Variants in UBE2L3 observed in about 807,000 individuals in gnomAD.
UBE2L3 encodes ubiquitin conjugating enzyme E2 L3, also known as ubiquitin-conjugating enzyme E2 L3.
UBE2L3 carries 1 observed loss-of-function variant against 17.8 expected under a neutral mutation model. That is an observed-to-expected ratio of 0.06 (90% confidence interval 0.02 to 0.27). The LOEUF is 0.27. UBE2L3 is among the 10% of genes least tolerant of loss of function. The pLI, the probability that UBE2L3 is intolerant of heterozygous loss-of-function variation, is 1.00. For missense variants in UBE2L3, 40 were observed against 192.6 expected, an observed-to-expected ratio of 0.21 and a Z score of 4.69; for synonymous variants, 44 against 68.5, an observed-to-expected ratio of 0.64 and a Z score of 1.76.
chr22:21,610,607 G>C (rs997446346), intron 2 of UBE2L3, among the ~76,000 whole-genome samples: 4 of 152,116 alleles, frequency 2.6e-5, no homozygotes, highest in African/African-American at 4.8e-5. Context: ...GTTCTAAAAA[G>C]TAAAGTCTAT....
At chr22:21,593,459 A>G (rs1601418959) in intron 2 of UBE2L3, among the ~76,000 whole-genome samples, 1 of 150,796 alleles carries the variant, frequency 6.6e-6, no homozygotes, top group African/African-American at 2.4e-5. Context: ...TGTTCCCCTC[A>G]CCCCATGTCT....
chr22:21,622,084 C>T lies in UBE2L3; in HGVS notation c.*415C>T, dbSNP rs1372944834. On this transcript the variant is annotated 3_prime_UTR_variant, in exon 4 of 4. Transcript: ENST00000342192. Reference sequence around the variant, plus strand: ...GAGTTTATTTTTCACTTACTTACTTCCCCAGACCCCGGGCTCGCCTCCACA... The same window carrying T: ...GAGTTTATTTTTCACTTACTTACTTTCCCAGACCCCGGGCTCGCCTCCACA... The T allele has an allele frequency of 5.4e-6, 1 of 183,938 alleles. No individual in the cohort carries two copies. Among genetic ancestry groups the T allele is most frequent in the Non-Finnish European group, 1.1e-5 (1 of 89,410 alleles). 11.4% of individuals were successfully genotyped at this position (183,938 alleles called of 1,614,324 possible).
At chr22:21,571,401 T>C (rs1926955362) in intron 1 of UBE2L3, among the ~76,000 whole-genome samples, 1 of 152,186 alleles carries the variant, frequency 6.6e-6, no homozygotes, top group African/African-American at 2.4e-5. Flanking sequence ...TAATGTCTTA[T>C]TACTTATCAT....
In UBE2L3 at chr22:21,607,473, C is replaced by T. The variant is rs181111263; in HGVS notation, c.124-3384C>T. 1.5e-3 allele frequency among the ~76,000 whole-genome samples: 219 copies of T among 149,978 alleles called. 1 individual carries two copies. Among genetic ancestry groups the T allele is most frequent in the Middle Eastern group, 0.01 (3 of 286 alleles). On this transcript the variant is annotated intron_variant, in intron 2 of 3. Transcript: ENST00000342192. The stretch of plus-strand genomic sequence containing the variant: ...GAGGTTGCAGTGAGCTGAGATCGCG[C>T]CACTGCACTCCAGCCTGGGCGACAG...
chr22:21,606,666 A>G (rs993247735), intron 2 of UBE2L3, among the ~76,000 whole-genome samples: 1 of 152,124 alleles, frequency 6.6e-6, no homozygotes, highest in African/African-American at 2.4e-5. Context: ...CCTGGACAAC[A>G]TAGTGAGACG....
At chr22:21,596,741 CCT>C (rs1246078300) in intron 2 of UBE2L3, among the ~76,000 whole-genome samples, 1 of 152,102 alleles carries the variant, frequency 6.6e-6, no homozygotes, top group Non-Finnish European at 1.5e-5. Context: ...CCCATCTCAG[CCT>C]CTCAAAGTGC....
upstream of UBE2L3, among the ~76,000 whole-genome samples, chr22:21,563,998 G>A (rs1041663244): frequency 4.0e-5 from 6 of 150,968 alleles, no homozygotes; most frequent in African/African-American, 1.5e-4. Context: ...GAGACTGTAC[G>A]CAGCCAAAAA....
chr22:21,593,205 A>G (rs1310237391), intron 2 of UBE2L3, among the ~76,000 whole-genome samples: 1 of 152,110 alleles, frequency 6.6e-6, no homozygotes, highest in Non-Finnish European at 1.5e-5. Context: ...CACAGAGAAA[A>G]GGAGTGTGTC....
At chr22:21,618,573 C>T (rs367713582) in intron 3 of UBE2L3, among the ~76,000 whole-genome samples, 7 of 150,198 alleles carry the variant, frequency 4.7e-5, no homozygotes. Context: ...GAGACTCCAT[C>T]TCAAAAAATA....
rs531552602 is a variant in UBE2L3, at chr22:21,585,435, G to A, written c.28-7426G>A. 5.3e-5 allele frequency among the ~76,000 whole-genome samples: 8 copies of A among 152,238 alleles called. No homozygotes were observed. The South Asian group carries it at 8.3e-4, about 16-fold the overall frequency. On this transcript the variant is annotated intron_variant, in intron 1 of 3. Transcript: ENST00000342192. ...AGGTTTGGTCTTTAAGCCTGTATTC[G>A]TTCCTTCCCTGATATGTGGTACCTA...
chr22:21,582,313 C>T (rs1402440378), intron 1 of UBE2L3, among the ~76,000 whole-genome samples: 1 of 150,838 alleles, frequency 6.6e-6, no homozygotes, highest in Non-Finnish European at 1.5e-5. Context: ...TTTTTCCTTG[C>T]CAAGAAACTG....
intron 3 of UBE2L3, among the ~76,000 whole-genome samples, chr22:21,620,665 G>A (rs367688451): frequency 2.4e-3 from 366 of 152,262 alleles, no homozygotes; most frequent in Non-Finnish European, 4.1e-3. Context: ...AGCCATCAGC[G>A]TGACATCTGC....
chr22:21,589,855 T>G (rs535078452), intron 1 of UBE2L3, among the ~76,000 whole-genome samples: 1 of 152,194 alleles, frequency 6.6e-6, no homozygotes, highest in Non-Finnish European at 1.5e-5. Context: ...GTTGGGAGTT[T>G]ATGTGATAAC....
intron 3 of UBE2L3, among the ~76,000 whole-genome samples, chr22:21,619,848 T>C (rs903606453): frequency 1.3e-5 from 2 of 152,198 alleles, no homozygotes; most frequent in African/African-American, 4.8e-5. Context: ...TGGGCCACCA[T>C]GCCTGGCTAA....
chr22:21,562,983 C>T (rs1926498579), upstream of UBE2L3, among the ~76,000 whole-genome samples: 1 of 151,792 alleles, frequency 6.6e-6, no homozygotes, highest in African/African-American at 2.4e-5. Flanking sequence ...GCGGCTCACG[C>T]CTGTAATCCC....
At chr22:21,603,832 G>C (rs1043925275) in intron 2 of UBE2L3, among the ~76,000 whole-genome samples, 6 of 141,658 alleles carry the variant, frequency 4.2e-5, no homozygotes, top group African/African-American at 1.7e-4. Context: ...GCCAGACTCT[G>C]TCTCAAAAAA....
At chr22:21,579,853 C>A (rs1179079575) in intron 1 of UBE2L3, among the ~76,000 whole-genome samples, 1 of 152,082 alleles carries the variant, frequency 6.6e-6, no homozygotes, top group Non-Finnish European at 1.5e-5. Context: ...ATTTCTGTTA[C>A]AATTATTTAC....
At chr22:21,568,152 C>A (rs1340142808) in intron 1 of UBE2L3, 19 of 1,020,330 alleles carry the variant, frequency 1.9e-5, no homozygotes, top group Non-Finnish European at 2.2e-5. Flanking sequence ...AGCGCCGGAG[C>A]CCCTGCCCGG....
At chr22:21,590,854 C>G (rs1439522422) in intron 1 of UBE2L3, among the ~76,000 whole-genome samples, 1 of 152,130 alleles carries the variant, frequency 6.6e-6, no homozygotes, top group Non-Finnish European at 1.5e-5. Context: ...CTCCCAAAGC[C>G]CCAGCTTCCC....
Sources: allele counts gnomAD v4.1 joint callset (sites outside exome capture counted in the v4.1 genomes callset), GRCh38; gene constraint gnomAD v4.1.1; transcripts MANE v1.5; gene names NCBI Gene and HGNC (gene_info 2026-07-23, HGNC 2026-07-21).